Variants in CYSLTR2 observed in about 807,000 individuals in gnomAD.
CYSLTR2 encodes the protein G-protein coupled receptor GPCR21.
For missense variants in CYSLTR2, 398 were observed against 411.9 expected (o/e 0.97, Z 0.29); for synonymous variants, 179 against 160.8 (o/e 1.11, Z -0.86).
intron 1 of CYSLTR2, among the ~76,000 whole-genome samples, chr13:48,669,007 C>A (rs1490230566): frequency 5.3e-5 from 8 of 152,104 alleles, no homozygotes; most frequent in Admixed American, 5.2e-4. Flanking sequence ...TCCAGTCTAT[C>A]ATTGATGGGC....
At chr13:48,681,544 C>T (rs1953755318) in intron 1 of CYSLTR2, among the ~76,000 whole-genome samples, 1 of 152,158 alleles carries the variant, frequency 6.6e-6, no homozygotes, top group Non-Finnish European at 1.5e-5. Context: ...TTAAGAGGTC[C>T]TTATTGCTGG....
intron 3 of CYSLTR2, among the ~76,000 whole-genome samples, chr13:48,693,759 A>C (rs1954096354): frequency 1.3e-5 from 2 of 152,218 alleles, no homozygotes. Context: ...ATTAACTAGC[A>C]CTTACTAATT....
chr13:48,686,565 C>T (rs545212932), intron 1 of CYSLTR2, among the ~76,000 whole-genome samples: 117 of 152,268 alleles, frequency 7.7e-4, no homozygotes, highest in Admixed American at 1.8e-3. Flanking sequence ...GAAAATATGT[C>T]CCGCAAAATC....
chr13:48,683,754 A>G (rs886936314), intron 1 of CYSLTR2, among the ~76,000 whole-genome samples: 1 of 151,982 alleles, frequency 6.6e-6, no homozygotes, highest in African/African-American at 2.4e-5. Flanking sequence ...CTATTTATCA[A>G]TTTTTGCTTT....
chr13:48,702,752 T>A (rs1331569143), intron 4 of CYSLTR2, among the ~76,000 whole-genome samples: 1 of 152,232 alleles, frequency 6.6e-6, no homozygotes, highest in Non-Finnish European at 1.5e-5. Context: ...AATCTTCTTT[T>A]TCAAAGTGTT....
At chr13:48,676,189 G>A (rs1953591392) in intron 1 of CYSLTR2, among the ~76,000 whole-genome samples, 1 of 152,124 alleles carries the variant, frequency 6.6e-6, no homozygotes, top group Non-Finnish European at 1.5e-5. Context: ...CTTAGAAAAG[G>A]CAGACCAGAA....
At chr13:48,664,034 A>C (rs1364727374) in intron 1 of CYSLTR2, among the ~76,000 whole-genome samples, 1 of 152,090 alleles carries the variant, frequency 6.6e-6, no homozygotes, top group Non-Finnish European at 1.5e-5. Flanking sequence ...TTCTATCATG[A>C]AGTGAGCTTA....
chr13:48,692,279 A>C (rs1954058867), intron 2 of CYSLTR2, among the ~76,000 whole-genome samples: 1 of 152,028 alleles, frequency 6.6e-6, no homozygotes, highest in Admixed American at 6.6e-5. Context: ...TAAAAGTGTC[A>C]AAAGCACTGA....
chr13:48,706,802 T>C lies in CYSLTR2; in HGVS notation c.-1-15T>C. On this transcript the variant is annotated splice_polypyrimidine_tract_variant and intron_variant, in intron 4 of 4. Transcript: ENST00000682523. ...TCACAAAGTAACTTTTTGTGTCTGT[T>C]TCTTTTTAACCCAGCATGGAGAGAA... 21 of 1,585,338 alleles carry C rather than the reference T, an allele frequency of 1.3e-5. No homozygotes were observed. The highest frequency in any genetic ancestry group is 1.8e-5 in the Non-Finnish European group (21 of 1,166,440).
chr13:48,696,811 G>A (rs985465470), intron 4 of CYSLTR2, among the ~76,000 whole-genome samples, 185 bp downstream of exon 4: 17 of 152,174 alleles, frequency 1.1e-4, no homozygotes, highest in South Asian at 4.1e-4. Flanking sequence ...TTTTCCAACT[G>A]CCTTAGCAAA....
At chr13:48,701,538 C>T (rs1954346941) in intron 4 of CYSLTR2, among the ~76,000 whole-genome samples, 1 of 151,962 alleles carries the variant, frequency 6.6e-6, no homozygotes, top group African/African-American at 2.4e-5. Flanking sequence ...TATCCAGAAG[C>T]TACAAAGAAC....
intron 4 of CYSLTR2, among the ~76,000 whole-genome samples, chr13:48,698,311 A>C (rs550738478): frequency 6.6e-6 from 1 of 152,376 alleles, no homozygotes; most frequent in African/African-American, 2.4e-5. Flanking sequence ...CATCAGACTA[A>C]CAGCAGATCC....
At chr13:48,698,365 T>G (rs1046315361) in intron 4 of CYSLTR2, among the ~76,000 whole-genome samples, 2 of 152,212 alleles carry the variant, frequency 1.3e-5, no homozygotes, top group African/African-American at 4.8e-5. Flanking sequence ...GGGGCCAATT[T>G]TCAACATTCT....
At chr13:48,679,597 G>A (rs1953694871) in intron 1 of CYSLTR2, among the ~76,000 whole-genome samples, 1 of 152,176 alleles carries the variant, frequency 6.6e-6, no homozygotes, top group Non-Finnish European at 1.5e-5. Context: ...AGTACCTAGA[G>A]CTGTTATCAA....
chr13:48,688,359 C>T (rs930187011), intron 1 of CYSLTR2, among the ~76,000 whole-genome samples: 1 of 152,106 alleles, frequency 6.6e-6, no homozygotes, highest in Non-Finnish European at 1.5e-5. Context: ...CTGCACCCAT[C>T]AACCTGTCAT....
Position 48,707,792 on chromosome 13 carries a change from A to G in CYSLTR2, c.975A>G (p.Pro325=), listed in dbSNP as rs1004702405. Residue 325 remains proline, a synonymous_variant, in exon 5 of 5, where the codon CCA becomes CCG. Transcript: ENST00000682523. ...RLKSALRKGH[P]QKAKTKCVFP... ...AGTCTGCACTCAGAAAAGGCCATCC[A>G]CAGAAGGCAAAGACAAAGTGTGTTT... 5 of 1,563,472 alleles carry G rather than the reference A, an allele frequency of 3.2e-6. No homozygotes were observed. The African/African-American group carries it at 6.8e-5, about 21-fold the overall frequency.
intron 1 of CYSLTR2, among the ~76,000 whole-genome samples, chr13:48,657,226 G>A (rs971146430): frequency 3.9e-5 from 6 of 152,138 alleles, no homozygotes; most frequent in African/African-American, 1.4e-4. Flanking sequence ...GAATTTAAAG[G>A]AAAACCTCTT....
At chr13:48,682,318 G>A (rs1953777865) in intron 1 of CYSLTR2, among the ~76,000 whole-genome samples, 1 of 152,226 alleles carries the variant, frequency 6.6e-6, no homozygotes, top group East Asian at 1.9e-4. Context: ...ATAATTCACT[G>A]TAAGATTGAG....
intron 4 of CYSLTR2, among the ~76,000 whole-genome samples, chr13:48,704,322 A>G (rs536105505): frequency 7.9e-5 from 12 of 152,358 alleles, no homozygotes; most frequent in Non-Finnish European, 1.6e-4. Flanking sequence ...CAGAAGTTCA[A>G]GACCAGCCTG....
Sources: gnomAD v4.1 joint callset for allele counts (sites outside exome capture counted in the v4.1 genomes callset) on GRCh38, gnomAD v4.1.1 for gene constraint, MANE v1.5 for transcripts, NCBI Gene and HGNC (gene_info 2026-07-23, HGNC 2026-07-21) for gene names.